RBKS: variants seen among roughly 807,000 people sequenced by gnomAD.
RBKS encodes the protein ribokinase.
Under a neutral mutation model 33.9 loss-of-function variants are expected in RBKS, and 33 were observed. The observed-to-expected ratio is 0.97, with a 90% CI of 0.74 to 1.30. The LOEUF is 1.30. Ranked by LOEUF, RBKS falls within the 50% of genes most tolerant of loss-of-function variation. The pLI is 0.00. For synonymous variants in RBKS, 125 were observed against 143.0 expected (o/e 0.87, Z 0.90); for missense variants, 361 against 392.6 (o/e 0.92, Z 0.68).
intron 7 of RBKS, among the ~76,000 whole-genome samples, chr2:27,824,026 C>T (rs1157527456): frequency 6.6e-6 from 1 of 152,178 alleles, no homozygotes; most frequent in East Asian, 1.9e-4. Context: ...GAACTCCATA[C>T]TCATTAGTAG....
Position 27,837,470 on chromosome 2 carries a change from G to A in RBKS, c.515-4693C>T, listed in dbSNP as rs1374984998. ...CTACCATTTGACCCAGCAATCCTAT[G>A]CCTGGTACACACCCAAAGGAAAACA... On this transcript the variant is annotated intron_variant, in intron 5 of 7. Transcript: ENST00000302188. The surrounding 1 kb of genome is among the most constrained non-coding windows in gnomAD (Gnocchi z 4.0). Among the ~76,000 whole-genome samples the A allele has an allele frequency of 6.6e-6, 1 of 152,150 alleles. No individual in the cohort carries two copies. The highest frequency in any genetic ancestry group is 2.4e-5 in the African/African-American group (1 of 41,442).
chr2:27,827,671 C>T lies in RBKS; in HGVS notation c.691G>A (p.Val231Met), dbSNP rs1407351304. The change falls in exon 7 of 8, where the codon GTG (valine) becomes ATG (methionine). Residue 231 changes from valine to methionine, a missense_variant. By Grantham distance (21) the Val-to-Met change is conservative. Transcript: ENST00000302188. ...TCAGCCCCTAAGGTAATGATTACCA[C>T]CTGGCAGCCCCTTTTCAAGAGCACT... ...ALVLLKRGCQ[V>M]VIITLGAEGC... The T allele has an allele frequency of 6.2e-7, 1 of 1,613,848 alleles. No homozygotes were observed. The highest frequency in any genetic ancestry group is 1.3e-5 in the African/African-American group (1 of 74,888).
intron 7 of RBKS, among the ~76,000 whole-genome samples, chr2:27,791,613 TACAC>T (rs59707075): frequency 1.3e-3 from 184 of 141,036 alleles, no homozygotes; most frequent in Middle Eastern, 7.1e-3. Flanking sequence ...ATAATAAATC[TACAC>T]ACACACACAC....
intron 7 of RBKS, among the ~76,000 whole-genome samples, chr2:27,819,203 G>C (rs935202259): frequency 6.6e-6 from 1 of 152,062 alleles, no homozygotes; most frequent in Non-Finnish European, 1.5e-5. Context: ...TGGCAAAGTA[G>C]GTTTCATTCT....
At chr2:27,785,097 T>TA (rs1677372569) in intron 7 of RBKS, among the ~76,000 whole-genome samples, 2 of 152,258 alleles carry the variant, frequency 1.3e-5, no homozygotes, top group Middle Eastern at 3.4e-3. Context: ...GTCTTGAATG[T>TA]AAAAAACAAA....
chr2:27,849,682 T>C (rs1663699772), intron 2 of RBKS, among the ~76,000 whole-genome samples: 1 of 152,016 alleles, frequency 6.6e-6, no homozygotes. Flanking sequence ...AGTAGCTTTG[T>C]CTGTGACTGG....
intron 4 of RBKS, among the ~76,000 whole-genome samples, chr2:27,843,951 T>C (rs1023352262): frequency 1.3e-5 from 2 of 152,162 alleles, no homozygotes; most frequent in African/African-American, 4.8e-5. Context: ...CACATGGCCA[T>C]TGAACATTTG....
At chr2:27,802,650 G>A (rs1212954871) in intron 7 of RBKS, among the ~76,000 whole-genome samples, 2 of 152,134 alleles carry the variant, frequency 1.3e-5, no homozygotes, top group Non-Finnish European at 2.9e-5. Context: ...GCCCTGCGCA[G>A]CAACTCTAAG....
intron 7 of RBKS, among the ~76,000 whole-genome samples, chr2:27,802,914 A>C (rs1021793124): frequency 6.6e-6 from 1 of 152,202 alleles, no homozygotes; most frequent in Non-Finnish European, 1.5e-5. Context: ...GTTTGTGAAC[A>C]TGCCATTAGG....
At chr2:27,842,917 A>G in intron 5 of RBKS, 150 bp downstream of exon 5, 1 of 525,304 alleles carries the variant, frequency 1.9e-6, no homozygotes, top group East Asian at 3.4e-5. Context: ...TTCTAACATT[A>G]TCAAGAACCA....
intron 7 of RBKS, among the ~76,000 whole-genome samples, chr2:27,788,132 C>G (rs776736572): frequency 5.9e-5 from 9 of 152,090 alleles, no homozygotes; most frequent in Non-Finnish European, 1.3e-4. Flanking sequence ...TAACATCATA[C>G]TCAACCAGAA....
At chr2:27,785,620 G>A (rs1255984651) in intron 7 of RBKS, among the ~76,000 whole-genome samples, 1 of 151,998 alleles carries the variant, frequency 6.6e-6, no homozygotes, top group Non-Finnish European at 1.5e-5. Flanking sequence ...AAAACTAGCC[G>A]GGCGTAGTGG....
intron 7 of RBKS, among the ~76,000 whole-genome samples, chr2:27,785,731 C>A (rs1483472506): frequency 6.7e-6 from 1 of 148,760 alleles, no homozygotes. Flanking sequence ...CACTGCACTT[C>A]AGCCTGGGTG....
At chr2:27,873,482 G>A (rs947446329) in intron 1 of RBKS, among the ~76,000 whole-genome samples, 2 of 152,158 alleles carry the variant, frequency 1.3e-5, no homozygotes, top group Admixed American at 1.3e-4. Context: ...AACTGCTTAT[G>A]ATTTTCATTG....
intron 7 of RBKS, among the ~76,000 whole-genome samples, chr2:27,815,592 T>C (rs1485397733): frequency 1.3e-5 from 2 of 152,202 alleles, no homozygotes; most frequent in African/African-American, 4.8e-5. Context: ...TGTGTTGTCC[T>C]GGCAGTTTTG....
At position 27,810,908 on chromosome 2, in the gene RBKS, C is replaced by A. The variant is rs530103752; in HGVS notation, c.795+16659G>T. 6.6e-6 allele frequency among the ~76,000 whole-genome samples: 1 copy of A among 152,308 alleles called. No homozygotes were observed. Among genetic ancestry groups the A allele is most frequent in the Non-Finnish European group, 1.5e-5 (1 of 68,030 alleles). ...TCTTTTTATAAAGTATAAATCTGAT[C>A]AAATGTATCCCTTGCTTAAATGGCT... On this transcript the variant is annotated intron_variant, in intron 7 of 7. Coordinates refer to ENST00000302188, the MANE Select transcript of RBKS (RefSeq NM_022128.3). The surrounding 1 kb of genome is among the most constrained non-coding windows in gnomAD (Gnocchi z 4.4).
rs1335502715 is a variant in RBKS, at chr2:27,810,170, CA to C, written c.795+17396del. 1 of 1,203,458 alleles carries C rather than the reference CA, an allele frequency of 8.3e-7. No individual in the cohort carries two copies. The allele number at this position is 1,203,458 out of a possible 1,614,324, so 74.5% of individuals were successfully genotyped here. ...GGTGCACCTGGTATATTTGTCTACA[CA>C]ACCCAAATTCGTCATATACTGGCTG... On this transcript the variant is annotated intron_variant, in intron 7 of 7. Transcript: ENST00000302188. This position sits in a 1 kb window ranked among gnomAD's most constrained non-coding sequence, Gnocchi z 4.4.
chr2:27,876,567 G>A (rs1026630214), intron 1 of RBKS, among the ~76,000 whole-genome samples: 4 of 152,132 alleles, frequency 2.6e-5, no homozygotes, highest in East Asian at 1.9e-4. Context: ...GTCACATAAC[G>A]GCAAACACTG....
chr2:27,883,664 G>A (rs537370950), intron 1 of RBKS, among the ~76,000 whole-genome samples: 3 of 152,270 alleles, frequency 2.0e-5, no homozygotes, highest in Admixed American at 1.3e-4. Flanking sequence ...CAAAGGAATG[G>A]ATTGCTAAAG....
Sources: gnomAD v4.1 joint callset for allele counts (sites outside exome capture counted in the v4.1 genomes callset) on GRCh38, gnomAD v4.1.1 for gene constraint, Gnocchi (gnomAD v3.1) non-coding constraint, MANE v1.5 for transcripts, NCBI Gene and HGNC (gene_info 2026-07-23, HGNC 2026-07-21) for gene names.